PLAC1: variants seen among roughly 807,000 people sequenced by gnomAD.
PLAC1 encodes the protein placenta-specific protein 1.
For missense variants in PLAC1, 136 were observed against 163.2 expected, an observed-to-expected ratio of 0.83 and a Z score of 0.91; for synonymous variants, 68 against 62.1, an observed-to-expected ratio of 1.09 and a Z score of -0.44.
chrX:134,736,251 C>G (rs1872980432), intron 1 of PLAC1, among the ~76,000 whole-genome samples: 1 of 110,047 alleles, frequency 9.1e-6, no homozygotes, highest in Non-Finnish European at 1.9e-5. Context: ...TGCACTCCAG[C>G]CTGGTGACAA....
chrX:134,694,751 G>T (rs2078556701), intron 2 of PLAC1, among the ~76,000 whole-genome samples: 1 of 111,900 alleles, frequency 8.9e-6, no homozygotes, highest in Non-Finnish European at 1.9e-5. Flanking sequence ...CCCATCTTGG[G>T]TTACTTGCAT....
intron 1 of PLAC1, among the ~76,000 whole-genome samples, chrX:134,645,303 T>G (rs184761045): frequency 7.5e-4 from 84 of 112,522 alleles, no homozygotes; most frequent in Non-Finnish European, 1.7e-4. Context: ...CATACTGTGC[T>G]CATTTAATCT....
At chrX:134,598,420 C>T (rs1164242856) in intron 2 of PLAC1, among the ~76,000 whole-genome samples, 3 of 111,773 alleles carry the variant, frequency 2.7e-5, no homozygotes, top group Non-Finnish European at 3.8e-5. Flanking sequence ...GATGTGGCCT[C>T]GACTCTCAGG....
intron 2 of PLAC1, among the ~76,000 whole-genome samples, chrX:134,692,102 C>T (rs186272959): frequency 1.9e-4 from 21 of 111,963 alleles, no homozygotes; most frequent in African/African-American, 1.3e-4. Flanking sequence ...TTTGGGAAGA[C>T]GGATGGTGAC....
chrX:134,684,342 G>T (rs1165812628), intron 2 of PLAC1, among the ~76,000 whole-genome samples: 1 of 106,568 alleles, frequency 9.4e-6, no homozygotes, highest in Non-Finnish European at 1.9e-5. Flanking sequence ...ATTCAGGAAG[G>T]AAGAGAGTTC....
chrX:134,588,529 C>G (rs183737057), intron 2 of PLAC1, among the ~76,000 whole-genome samples: 5 of 109,384 alleles, frequency 4.6e-5, no homozygotes, highest in Non-Finnish European at 9.5e-5. Flanking sequence ...GAATAAATGA[C>G]CGCATCTACA....
chrX:134,755,906 G>C (rs1026750070), intron 1 of PLAC1, among the ~76,000 whole-genome samples: 4 of 80,862 alleles, frequency 4.9e-5, no homozygotes, highest in Non-Finnish European at 6.6e-5. Flanking sequence ...TCTGTCACCA[G>C]GCTGGAGTGC....
chrX:134,695,267 G>A (rs779068737), intron 2 of PLAC1, among the ~76,000 whole-genome samples: 1 of 112,236 alleles, frequency 8.9e-6, no homozygotes, highest in South Asian at 3.7e-4. Context: ...TACATCTAAT[G>A]CTTATTTTGG....
chrX:134,724,778 G>T (rs778358533), intron 2 of PLAC1, among the ~76,000 whole-genome samples: 22 of 111,979 alleles, frequency 2.0e-4, no homozygotes, highest in Admixed American at 1.2e-3. Context: ...CAAGGTGGGG[G>T]GATCATTTGA....
chrX:134,662,049 G>A (rs1306598945), upstream of PLAC1, among the ~76,000 whole-genome samples: 1 of 111,383 alleles, frequency 9.0e-6, no homozygotes, highest in Non-Finnish European at 1.9e-5. Flanking sequence ...GACCAGCCTG[G>A]GCAACATAGG....
At position 134,750,776 on chromosome X, in the gene PLAC1, G is replaced by A. The variant is rs1419841812; in HGVS notation, n.89+13458C>T. ...GTTCAAGACCAGCCTGGTTAACATG[G>A]TGAAACCCTGTCTCTAATAAAAATA... On this transcript the variant is annotated intron_variant and non_coding_transcript_variant, in intron 1 of 2. Coordinates refer to the PLAC1 transcript ENST00000466797. Among the ~76,000 whole-genome samples the A allele has an allele frequency of 8.1e-4, 59 of 72,928 alleles. 1 individual carries two copies. The highest frequency in any genetic ancestry group is 1.2e-4 in the Non-Finnish European group (5 of 41,337). 63.3% of individuals were successfully genotyped at this position (72,928 alleles called of 115,157 possible).
chrX:134,620,460 C>T (rs1407203842), intron 1 of PLAC1, among the ~76,000 whole-genome samples: 1 of 112,417 alleles, frequency 8.9e-6, no homozygotes, highest in Non-Finnish European at 1.9e-5. Context: ...TGTTTAAGCC[C>T]TCATATAAAA....
chrX:134,616,838 C>T (rs1450739586), intron 1 of PLAC1, among the ~76,000 whole-genome samples: 6 of 107,969 alleles, frequency 5.6e-5, no homozygotes, highest in African/African-American at 1.7e-4. Context: ...TGCAGTGGTG[C>T]GATCTCGACT....
intron 1 of PLAC1, among the ~76,000 whole-genome samples, chrX:134,754,758 CTT>C (rs760098539): frequency 6.0e-5 from 4 of 66,164 alleles, no homozygotes; most frequent in Non-Finnish European, 7.9e-5. Context: ...ATTTATTGTT[CTT>C]TTTTTTTTTT....
At chrX:134,621,580 A>C (rs776422904) in intron 1 of PLAC1, among the ~76,000 whole-genome samples, 2 of 110,717 alleles carry the variant, frequency 1.8e-5, no homozygotes, top group East Asian at 5.7e-4. Context: ...ATCCTCAATG[A>C]CTGAACTGTT....
intron 1 of PLAC1, among the ~76,000 whole-genome samples, chrX:134,619,376 G>T (rs1407509735): frequency 1.8e-5 from 2 of 111,957 alleles, no homozygotes; most frequent in Non-Finnish European, 3.8e-5. Context: ...ATTCTGGCTG[G>T]ACGCGGTGGC....
At chrX:134,724,352 C>T (rs1256209110) in intron 2 of PLAC1, among the ~76,000 whole-genome samples, 3 of 111,847 alleles carry the variant, frequency 2.7e-5, no homozygotes, top group African/African-American at 6.5e-5. Context: ...TTTTTCCAAA[C>T]TCCTCCACCA....
chrX:134,736,245 C>T (rs1442568872), intron 1 of PLAC1, among the ~76,000 whole-genome samples: 1 of 109,847 alleles, frequency 9.1e-6, no homozygotes, highest in Non-Finnish European at 1.9e-5. Context: ...TGCCACTGCA[C>T]TCCAGCCTGG....
chrX:134,710,452 A>C (rs2078624744), intron 2 of PLAC1, among the ~76,000 whole-genome samples: 1 of 111,889 alleles, frequency 8.9e-6, no homozygotes, highest in Non-Finnish European at 1.9e-5. Flanking sequence ...TAACCCAGAA[A>C]TCTTACTTTC....
Sources: allele counts gnomAD v4.1 joint callset (sites outside exome capture counted in the v4.1 genomes callset), GRCh38; gene constraint gnomAD v4.1.1; transcripts MANE v1.5; gene names NCBI Gene and HGNC (gene_info 2026-07-23, HGNC 2026-07-21).